The following ZNF487 variants were observed in gnomAD, a reference collection of about 807,000 sequenced individuals.
The protein encoded by ZNF487 is KRAB domain only 1.
In ZNF487, 4 loss-of-function variants were observed where a neutral mutation model predicts 3.0. The ratio of observed to expected loss-of-function variants is 1.35; its 90% CI spans 0.66 to 3.08. The LOEUF (loss-of-function observed/expected upper bound fraction) is 3.08, where lower values mean the gene tolerates loss of function less well. Among genes scored for constraint, ZNF487 ranks in the 30% most tolerant of loss-of-function variants. The pLI, the probability that ZNF487 is intolerant of heterozygous loss-of-function variation, is 0.01. For synonymous variants in ZNF487, 55 were observed against 34.6 expected (o/e 1.59, Z -2.06); for missense variants, 146 against 98.7 (o/e 1.48, Z -2.03).
the ZNF487 span, among the ~76,000 whole-genome samples, chr10:43,522,627 G>A: frequency 6.6e-6 from 1 of 152,142 alleles, no homozygotes; most frequent in Non-Finnish European, 1.5e-5. Flanking sequence ...CCAGCTACTT[G>A]AGAGGATGAG....
In ZNF487 at chr10:43,460,707, T is replaced by G. The variant is rs571201753; in HGVS notation, c.-93-15014T>G. 2.6e-5 allele frequency among the ~76,000 whole-genome samples: 4 copies of G among 151,996 alleles called. No homozygotes were observed. In the South Asian group the frequency reaches 6.2e-4, roughly 24 times the overall value. On this transcript the variant is annotated intron_variant, in intron 1 of 3. Transcript: ENST00000437590. ...TCCTTTCTTAAAAGTCTTTTTTTTT[T>G]TTTGAGAAAGAGTCTCACTCTAATG...
At chr10:43,471,704 T>C (rs747055152) in intron 1 of ZNF487, among the ~76,000 whole-genome samples, 2 of 152,112 alleles carry the variant, frequency 1.3e-5, no homozygotes, top group African/African-American at 2.4e-5. Context: ...AGTCAAGCCA[T>C]CTCTCTGAAG....
intron 1 of ZNF487, among the ~76,000 whole-genome samples, chr10:43,457,539 A>T: frequency 6.7e-6 from 1 of 150,072 alleles, no homozygotes; most frequent in Non-Finnish European, 1.5e-5. Flanking sequence ...TGGGCGACAA[A>T]GCAAGACTCT....
chr10:43,442,238 AAACAAC>A (rs750766065), intron 1 of ZNF487, among the ~76,000 whole-genome samples: 31 of 148,908 alleles, frequency 2.1e-4, no homozygotes, highest in African/African-American at 3.0e-4. Flanking sequence ...CCTGTCTCTA[AAACAAC>A]AACAACAACA....
At chr10:43,510,175 A>C in the ZNF487 span, among the ~76,000 whole-genome samples, 1 of 152,220 alleles carries the variant, frequency 6.6e-6, no homozygotes, top group Non-Finnish European at 1.5e-5. Context: ...AGAGGGAGGA[A>C]ATATGACAAT....
chr10:43,474,643 C>T (rs953194249), intron 1 of ZNF487, among the ~76,000 whole-genome samples: 2 of 151,766 alleles, frequency 1.3e-5, no homozygotes, highest in Non-Finnish European at 2.9e-5. Flanking sequence ...AGTGAAGTGG[C>T]GTGATCTTGG....
At chr10:43,445,818 A>C (rs1039760532) in intron 1 of ZNF487, among the ~76,000 whole-genome samples, 1 of 152,054 alleles carries the variant, frequency 6.6e-6, no homozygotes, top group Non-Finnish European at 1.5e-5. Context: ...TAGGCAGAGG[A>C]CCCTGCGGCC....
At chr10:43,439,602 C>G (rs1448886959) in intron 1 of ZNF487, among the ~76,000 whole-genome samples, 2 of 151,816 alleles carry the variant, frequency 1.3e-5, no homozygotes, top group African/African-American at 4.8e-5. Flanking sequence ...ACTCAGGAAG[C>G]TGAGGCAGGG....
the ZNF487 span, among the ~76,000 whole-genome samples, chr10:43,503,448 G>A: frequency 6.6e-6 from 1 of 152,136 alleles, no homozygotes; most frequent in Non-Finnish European, 1.5e-5. Flanking sequence ...AATAAACTTA[G>A]TGTAGCCCAA....
the ZNF487 span, among the ~76,000 whole-genome samples, chr10:43,522,740 A>C: frequency 6.6e-6 from 1 of 152,124 alleles, no homozygotes; most frequent in Non-Finnish European, 1.5e-5. Flanking sequence ...CTCAAAAAAC[A>C]AAAAATAAAA....
chr10:43,484,025 G>A (rs1269691214), downstream of ZNF487, among the ~76,000 whole-genome samples: 1 of 151,388 alleles, frequency 6.6e-6, no homozygotes, highest in Non-Finnish European at 1.5e-5. Context: ...TGTGCCACCA[G>A]GCCCAGCTAA....
chr10:43,507,915 G>A, the ZNF487 span, among the ~76,000 whole-genome samples: 1 of 152,176 alleles, frequency 6.6e-6, no homozygotes, highest in Non-Finnish European at 1.5e-5. Context: ...CTAAAATATT[G>A]TTTGGCAATT....
At chr10:43,465,909 A>G (rs1840679695) in intron 1 of ZNF487, among the ~76,000 whole-genome samples, 1 of 152,188 alleles carries the variant, frequency 6.6e-6, no homozygotes, top group Non-Finnish European at 1.5e-5. Context: ...TTGAGCACTG[A>G]GTGAACGAGA....
chr10:43,511,811 T>C, the ZNF487 span, among the ~76,000 whole-genome samples: 1 of 152,174 alleles, frequency 6.6e-6, no homozygotes, highest in Non-Finnish European at 1.5e-5. Context: ...ATTAAAATCC[T>C]CCTCTGCTGA....
chr10:43,486,524 C>G (rs1405144114), downstream of ZNF487, among the ~76,000 whole-genome samples: 1 of 148,276 alleles, frequency 6.7e-6, no homozygotes, highest in Non-Finnish European at 1.5e-5. Flanking sequence ...GAAACTCCTT[C>G]TCAAAAAAAA....
chr10:43,451,418 T>C (rs867748089), intron 1 of ZNF487, among the ~76,000 whole-genome samples: 6 of 151,208 alleles, frequency 4.0e-5, no homozygotes, highest in Admixed American at 1.3e-4. Context: ...GCTAATTTTG[T>C]ATTTTTAGTA....
chr10:43,497,985 T>G, the ZNF487 span, among the ~76,000 whole-genome samples: 21 of 10,116 alleles, frequency 2.1e-3, no homozygotes, highest in Non-Finnish European at 2.9e-3. Flanking sequence ...AGAAAAAAGA[T>G]ATATATATAT....
intron 1 of ZNF487, among the ~76,000 whole-genome samples, chr10:43,475,509 C>T (rs1288258646): frequency 3.3e-5 from 5 of 150,162 alleles, no homozygotes; most frequent in African/African-American, 1.2e-4. Context: ...CGCAAGACCC[C>T]GTCTGAAAAA....
chr10:43,519,327 G>A, the ZNF487 span, among the ~76,000 whole-genome samples: 2 of 152,082 alleles, frequency 1.3e-5, no homozygotes, highest in Non-Finnish European at 2.9e-5. Context: ...CCATATATTT[G>A]TTATGATCTT....
Sources: gnomAD v4.1 joint callset for allele counts (sites outside exome capture counted in the v4.1 genomes callset) on GRCh38, gnomAD v4.1.1 for gene constraint, MANE v1.5 for transcripts, NCBI Gene and HGNC (gene_info 2026-07-23, HGNC 2026-07-21) for gene names.